C8orf34: variants seen among roughly 807,000 people sequenced by gnomAD.
C8orf34 encodes uncharacterized protein C8orf34.
Under a neutral mutation model 68.3 loss-of-function variants are expected in C8orf34, and 65 were observed. The ratio of observed to expected loss-of-function variants is 0.95; its 90% confidence interval spans 0.78 to 1.17. The LOEUF (loss-of-function observed/expected upper bound fraction) is 1.17. Among genes scored for constraint, C8orf34 ranks in the 50% most tolerant of loss-of-function variants. C8orf34 has a pLI of 0.00. For missense variants in C8orf34, 664 were observed against 655.4 expected, an observed-to-expected ratio of 1.01 and a Z score of -0.14; for synonymous variants, 244 against 241.2, an observed-to-expected ratio of 1.01 and a Z score of -0.11.
chr8:68,747,991 C>G (rs1822563442), intron 10 of C8orf34, among the ~76,000 whole-genome samples: 1 of 151,528 alleles, frequency 6.6e-6, no homozygotes, highest in African/African-American at 2.4e-5. Context: ...AACTATACTA[C>G]AAGGCTACAG....
chr8:68,743,967 C>A (rs536310693), intron 10 of C8orf34, among the ~76,000 whole-genome samples: 87 of 152,300 alleles, frequency 5.7e-4, no homozygotes, highest in African/African-American at 2.0e-3. Context: ...GTAACCTCTG[C>A]AGACTTAAAT....
chr8:68,451,245 T>A (rs1219550786), intron 3 of C8orf34, among the ~76,000 whole-genome samples: 1 of 152,140 alleles, frequency 6.6e-6, no homozygotes, highest in Non-Finnish European at 1.5e-5. Flanking sequence ...TGTGGCTGAT[T>A]TGATCTTCTA....
chr8:68,480,148 G>A (rs747122520), intron 4 of C8orf34, among the ~76,000 whole-genome samples: 27 of 152,114 alleles, frequency 1.8e-4, no homozygotes, highest in Non-Finnish European at 3.4e-4. Context: ...TGTTGTGGGA[G>A]GGACCCAGGG....
rs572928433 is a variant in C8orf34, at chr8:68,404,936, G to A, written c.328-34563G>A. Among the ~76,000 whole-genome samples, 191 of 151,882 alleles carry A rather than the reference G, an allele frequency of 1.3e-3. 1 individual carries two copies. The highest frequency in any genetic ancestry group is 4.5e-3 in the African/African-American group (185 of 41,438). On this transcript the variant is annotated intron_variant, in intron 1 of 13. Coordinates refer to ENST00000518698, the MANE Select transcript of C8orf34 (RefSeq NM_052958.4). ...ATGGTAACTTGATGGGGATAGCATT[G>A]AATCTATAAATTACTTTGGGCAGTA...
intron 12 of C8orf34, among the ~76,000 whole-genome samples, chr8:68,811,033 C>G (rs924100406): frequency 2.0e-5 from 3 of 152,220 alleles, no homozygotes; most frequent in Admixed American, 6.5e-5. Flanking sequence ...GCCTGTCTAC[C>G]TCCTGCCGCC....
chr8:68,391,328 C>G (rs1808470881), intron 1 of C8orf34, among the ~76,000 whole-genome samples: 1 of 152,090 alleles, frequency 6.6e-6, no homozygotes, highest in Non-Finnish European at 1.5e-5. Context: ...AGTTCTGTCA[C>G]AAAAGTTTAC....
intron 1 of C8orf34, among the ~76,000 whole-genome samples, chr8:68,347,032 G>A (rs1806312708): frequency 6.6e-6 from 1 of 151,856 alleles, no homozygotes; most frequent in African/African-American, 2.4e-5. Context: ...CTTTCATGGG[G>A]GGCTGTTATA....
chr8:68,472,463 C>T (rs1324538443), intron 4 of C8orf34, among the ~76,000 whole-genome samples: 1 of 152,080 alleles, frequency 6.6e-6, no homozygotes, highest in Admixed American at 6.6e-5. Context: ...CTCAAAGTCT[C>T]CTGGTTAGTA....
At chr8:68,652,061 G>T (rs1174393535) in intron 8 of C8orf34, among the ~76,000 whole-genome samples, 1 of 152,144 alleles carries the variant, frequency 6.6e-6, no homozygotes, top group East Asian at 1.9e-4. Flanking sequence ...TAACCATATT[G>T]GAAAATCAAG....
At chr8:68,400,133 G>T (rs1029489423) in intron 1 of C8orf34, among the ~76,000 whole-genome samples, 3 of 152,126 alleles carry the variant, frequency 2.0e-5, no homozygotes, top group African/African-American at 7.2e-5. Context: ...TCACTCTGTT[G>T]ATTCTTTCCT....
intron 4 of C8orf34, among the ~76,000 whole-genome samples, chr8:68,469,121 T>A (rs528750981): frequency 3.1e-4 from 47 of 152,162 alleles, no homozygotes; most frequent in Admixed American, 2.8e-3. Flanking sequence ...TTCTTCATTC[T>A]TTTCTTTGGA....
At chr8:68,354,621 G>C (rs1806667716) in intron 1 of C8orf34, among the ~76,000 whole-genome samples, 1 of 152,090 alleles carries the variant, frequency 6.6e-6, no homozygotes, top group African/African-American at 2.4e-5. Flanking sequence ...GGATATGACT[G>C]ATCTAAGTAG....
intron 1 of C8orf34, among the ~76,000 whole-genome samples, chr8:68,403,785 A>T (rs1026011740): frequency 4.6e-5 from 7 of 152,128 alleles, no homozygotes; most frequent in African/African-American, 9.7e-5. Context: ...ATCTATCATT[A>T]ATGGGCATTT....
intron 10 of C8orf34, among the ~76,000 whole-genome samples, chr8:68,735,170 G>C (rs1219329212): frequency 6.6e-6 from 1 of 152,148 alleles, no homozygotes; most frequent in Non-Finnish European, 1.5e-5. Flanking sequence ...GGGCACTAAT[G>C]GGATTCAAAT....
chr8:68,633,884 T>A (rs534225001), intron 7 of C8orf34, among the ~76,000 whole-genome samples: 3,235 of 147,242 alleles, frequency 0.022, 45 homozygotes, highest in Middle Eastern at 0.049. Flanking sequence ...TTTTTTTTTT[T>A]ATTTTTGTTT....
At chr8:68,473,908 C>T (rs1812486998) in intron 4 of C8orf34, among the ~76,000 whole-genome samples, 2 of 152,196 alleles carry the variant, frequency 1.3e-5, no homozygotes, top group Admixed American at 1.3e-4. Flanking sequence ...TGTCATTCTT[C>T]TGACTCCCTG....
intron 12 of C8orf34, among the ~76,000 whole-genome samples, chr8:68,803,934 T>C (rs1824407218): frequency 6.6e-6 from 1 of 152,218 alleles, no homozygotes; most frequent in African/African-American, 2.4e-5. Flanking sequence ...AATAATATTT[T>C]TGTGTTGCTT....
intron 4 of C8orf34, among the ~76,000 whole-genome samples, chr8:68,479,406 TGAGAGAGAGA>T (rs10573693): frequency 0.61 from 90,368 of 147,292 alleles, 27,648 homozygotes; most frequent in East Asian, 0.88. Context: ...AGAGAAACAG[TGAGAGAGAGA>T]GAGAGAGAGA....
chr8:68,786,563 T>A (rs913388889), intron 11 of C8orf34, among the ~76,000 whole-genome samples: 1 of 152,180 alleles, frequency 6.6e-6, no homozygotes, highest in Non-Finnish European at 1.5e-5. Context: ...CCAGTAGAAG[T>A]GACTCCCGAG....
Sources: gnomAD v4.1 joint callset for allele counts (sites outside exome capture counted in the v4.1 genomes callset) on GRCh38, gnomAD v4.1.1 for gene constraint, MANE v1.5 for transcripts, NCBI Gene and HGNC (gene_info 2026-07-23, HGNC 2026-07-21) for gene names.